ZBTB41: variants seen among roughly 807,000 people sequenced by gnomAD.
ZBTB41 encodes the protein zinc finger and BTB domain containing 41.
ZBTB41 carries 42 observed loss-of-function variants against 87.6 expected under a neutral mutation model. That is an observed-to-expected ratio of 0.48 (90% CI 0.37 to 0.62). The LOEUF (loss-of-function observed/expected upper bound fraction) is 0.62, where lower values mean the gene tolerates loss of function less well. ZBTB41 is among the 20% of genes least tolerant of loss of function. The probability of loss-of-function intolerance (pLI) is 0.00; values close to 1 mark genes in which losing one functional copy is unlikely to be tolerated. For missense variants in ZBTB41, 799 were observed against 1,078.9 expected (o/e 0.74, Z 3.63); for synonymous variants, 364 against 364.0 (o/e 1.00, Z 0.00).
chr1:197,176,572 A>AT lies in ZBTB41; in HGVS notation c.1870dup (p.Ile624AsnfsTer5). The AT allele has an allele frequency of 6.2e-7, 1 of 1,609,144 alleles. No homozygotes were observed. ...TACAAAATATGGTATACCTGAATGT[A>AT]TTTTTTTGTGCTTTGTAAGGTGATC... On this transcript the variant is annotated frameshift_variant, in exon 8 of 11. Coordinates refer to ENST00000367405, the MANE Select transcript of ZBTB41 (RefSeq NM_194314.3). LOFTEE classifies it high-confidence loss of function.
Position 197,160,816 on chromosome 1 carries a change from C to T in ZBTB41, c.2075-802G>A, listed in dbSNP as rs190629203. 8.5e-5 allele frequency among the ~76,000 whole-genome samples: 13 copies of T among 152,202 alleles called. No individual in the cohort carries two copies. The East Asian group carries it at 2.5e-3, about 29-fold the overall frequency. ...TAAGACCTTGAAATAGGCAGACCAA[C>T]AGGCGTACACAGGTGAGTCAAATCT... On this transcript the variant is annotated intron_variant, in intron 10 of 10. Transcript: ENST00000367405.
rs182133831 is a variant in ZBTB41 at position 197,176,009 on chromosome 1, A to G, written c.1879+555T>C. 2.7e-3 allele frequency: 409 copies of G among 152,352 alleles called. 2 individuals are homozygous for G. The highest frequency in any genetic ancestry group is 3.5e-3 in the Non-Finnish European group (236 of 68,086). The allele number at this position is 152,352 out of a possible 1,614,324, so 9.4% of individuals were successfully genotyped here. ...TTGGCTCTCTTAGCACTTCCTGAAC[A>G]TCAATCTGAGAGGAAAATATGAAAG... is the stretch of plus-strand genomic sequence containing the variant. On this transcript the variant is annotated intron_variant, in intron 8 of 10. Transcript: ENST00000367405.
rs1659617750 is a variant in ZBTB41 at position 197,176,730 on chromosome 1, A to G, written c.1773-60T>C. ...TGGTGACATAGAAGGAAAAAGCTCA[A>G]TAATGAATAAATGATGAATAAACAA... On this transcript the variant is annotated intron_variant, in intron 7 of 10. Coordinates refer to ENST00000367405, the MANE Select transcript of ZBTB41 (RefSeq NM_194314.3). The G allele has an allele frequency of 9.4e-6, 11 of 1,172,204 alleles. No individual in the cohort carries two copies. The East Asian group carries it at 2.1e-4, about 23-fold the overall frequency. The allele number at this position is 1,172,204 out of a possible 1,614,324, so 72.6% of individuals were successfully genotyped here.
chr1:197,182,250 G>C (rs1426503070), intron 5 of ZBTB41, among the ~76,000 whole-genome samples: 1 of 152,124 alleles, frequency 6.6e-6, no homozygotes, highest in Non-Finnish European at 1.5e-5. Context: ...CTGTATAGCT[G>C]GCGGCTTCAG....
At chr1:197,196,207 A>G (rs543429828) in intron 2 of ZBTB41, among the ~76,000 whole-genome samples, 1 of 152,310 alleles carries the variant, frequency 6.6e-6, no homozygotes, top group South Asian at 2.1e-4. Context: ...AAATTCTACG[A>G]AAGGAATGTG....
At chr1:197,197,139 A>C (rs1024216113) in intron 2 of ZBTB41, among the ~76,000 whole-genome samples, 17 of 151,860 alleles carry the variant, frequency 1.1e-4, no homozygotes, top group Non-Finnish European at 2.1e-4. Flanking sequence ...TAATCCTCAT[A>C]ATAACCTTTC....
chr1:197,172,084 T>C, intron 10 of ZBTB41, 76 bp downstream of exon 10: 5 of 549,938 alleles, frequency 9.1e-6, no homozygotes, highest in Non-Finnish European at 1.4e-5. Flanking sequence ...TTTAAATGCC[T>C]ATATTTTACT....
chr1:197,183,240 G>GCACTCATTCTAAGCACTCAC (rs1659800126), intron 5 of ZBTB41, among the ~76,000 whole-genome samples: 1 of 152,132 alleles, frequency 6.6e-6, no homozygotes, highest in South Asian at 2.1e-4. Context: ...TACATTCAGA[G>GCACTCATTCTAAGCACTCAC]AAAGAGAATG....
rs1183379854 is a variant in ZBTB41, at chr1:197,159,164, A to C, written c.*195T>G. 5.3e-6 allele frequency: 3 copies of C among 562,336 alleles called. No homozygotes were observed. Among genetic ancestry groups the C allele is most frequent in the Non-Finnish European group, 9.2e-6 (3 of 327,706 alleles). The allele number at this position is 562,336 out of a possible 1,614,324, so 34.8% of individuals were successfully genotyped here. On this transcript the variant is annotated 3_prime_UTR_variant, in exon 11 of 11. Coordinates refer to ENST00000367405, the MANE Select transcript of ZBTB41 (RefSeq NM_194314.3). ...TAAAAATCACAAAAATGTGCACTTC[A>C]AATATTATGCCAGAAATTTTGTCCA...
rs113394287 is a variant in ZBTB41, at chr1:197,191,005, C to A, written c.1329-174G>T. 8.0e-3 allele frequency among the ~76,000 whole-genome samples: 1,223 copies of A among 152,180 alleles called. 14 individuals carry two copies. Among genetic ancestry groups the A allele is most frequent in the African/African-American group, 0.028 (1,156 of 41,508 alleles). ...GTATCATTATCATTTTAAACACATT[C>A]AGGAACCTAGCTCTTTATAGATAAA... On this transcript the variant is annotated intron_variant, in intron 3 of 10. Transcript: ENST00000367405.
Position 197,155,533 on chromosome 1 carries a change from GAT to G in ZBTB41, c.*3824_*3825del, listed in dbSNP as rs1659045012. 1 of 152,232 alleles carries G rather than the reference GAT, an allele frequency of 6.6e-6. No homozygotes were observed. The highest frequency in any genetic ancestry group is 1.5e-5 in the Non-Finnish European group (1 of 67,800). 9.4% of individuals were successfully genotyped at this position (152,232 alleles called of 1,614,324 possible). ...GCTCAAAATCTGACATTTCATCACT[GAT>G]ATATGAGAGTGATATGGTAGGAAGA... On this transcript the variant is annotated 3_prime_UTR_variant, in exon 11 of 11. Transcript: ENST00000367405.
intron 9 of ZBTB41, 151 bp downstream of exon 9, chr1:197,174,859 A>G: frequency 2.1e-6 from 1 of 471,070 alleles, no homozygotes; most frequent in Non-Finnish European, 3.7e-6. Flanking sequence ...ATGCTTGCTG[A>G]ATTCTTTTAG....
At chr1:197,161,647 AG>A (rs1375936566) in intron 10 of ZBTB41, among the ~76,000 whole-genome samples, 1 of 152,124 alleles carries the variant, frequency 6.6e-6, no homozygotes, top group Non-Finnish European at 1.5e-5. Context: ...TTTCAGAAAA[AG>A]TATTTTTAAC....
rs1485022179 is a variant in ZBTB41, at chr1:197,199,985, T to C, written c.489A>G (p.Lys163=). 1 of 1,613,502 alleles carries C rather than the reference T, an allele frequency of 6.2e-7. No homozygotes were observed. Among genetic ancestry groups the C allele is most frequent in the East Asian group, 2.2e-5 (1 of 44,868 alleles). ...TCACTGCATCTATAATGTCCAAAAA[T>C]TTTGCAGCCTCTAAAACAAGAGGTA... The part of the protein sequence containing the change: ...YEIPLVLEAA[K]FLDIIDAVKL... Residue 163 remains lysine, a synonymous_variant, in exon 2 of 11, where the codon AAA becomes AAG. Coordinates refer to ENST00000367405, the MANE Select transcript of ZBTB41 (RefSeq NM_194314.3).
rs1033796843 is a variant in ZBTB41 at position 197,157,145 on chromosome 1, T to A, written c.*2214A>T. On this transcript the variant is annotated 3_prime_UTR_variant, in exon 11 of 11. Coordinates refer to ENST00000367405, the MANE Select transcript of ZBTB41 (RefSeq NM_194314.3). ...TAAGAGATGTATTCCAAAAAAGTTC[T>A]GTGTAAACCAATTCCTACAATTAAA... 1 of 152,214 alleles carries A rather than the reference T, an allele frequency of 6.6e-6. No individual in the cohort carries two copies. Among genetic ancestry groups the A allele is most frequent in the African/African-American group, 2.4e-5 (1 of 41,420 alleles). The allele number at this position is 152,214 out of a possible 1,614,324, so 9.4% of individuals were successfully genotyped here. A position where few individuals can be genotyped will look rare whatever the true frequency, so the allele number is the denominator to read the frequency against.
intron 8 of ZBTB41, 120 bp from the exon 9 acceptor site, chr1:197,175,235 AT>A: frequency 1.3e-6 from 1 of 771,436 alleles, no homozygotes; most frequent in Non-Finnish European, 2.0e-6. Flanking sequence ...GTAAAGCCAC[AT>A]TTTATTCTGC....
At position 197,188,208 on chromosome 1, in the gene ZBTB41, G is replaced by C. The variant is rs532314750; in HGVS notation, c.1546+84C>G. ...TAAAAAGTCTTTTAGAAGAAAAAGA[G>C]TAATTCAGCTATAGAAGGCTCCTCC... On this transcript the variant is annotated intron_variant, in intron 5 of 10. Transcript: ENST00000367405. 2.0e-6 allele frequency: 3 copies of C among 1,479,378 alleles called. No homozygotes were observed. The South Asian group carries it at 3.7e-5, about 18-fold the overall frequency. The allele number at this position is 1,479,378 out of a possible 1,614,324, so 91.6% of individuals were successfully genotyped here.
At chr1:197,194,606 A>C (rs997352281) in intron 2 of ZBTB41, among the ~76,000 whole-genome samples, 2 of 117,466 alleles carry the variant, frequency 1.7e-5, no homozygotes, top group African/African-American at 3.4e-5. Flanking sequence ...GGAGAGATAA[A>C]GATTTAAGCA....
chr1:197,193,766 T>C (rs1404872834), intron 2 of ZBTB41, among the ~76,000 whole-genome samples: 2 of 152,262 alleles, frequency 1.3e-5, no homozygotes, highest in Admixed American at 6.5e-5. Context: ...GGTCACTATA[T>C]GGGTTTTTAA....
Sources: gnomAD v4.1 joint callset for allele counts (sites outside exome capture counted in the v4.1 genomes callset) on GRCh38, gnomAD v4.1.1 for gene constraint, MANE v1.5 for transcripts, NCBI Gene and HGNC (gene_info 2026-07-23, HGNC 2026-07-21) for gene names.